USH2A: variants seen among roughly 807,000 people sequenced by gnomAD.
USH2A encodes usherin, also known as Usher syndrome 2A (autosomal recessive, mild).
Under a neutral mutation model 538.9 loss-of-function variants are expected in USH2A, and 443 were observed. That is an observed-to-expected ratio of 0.82 (90% CI 0.76 to 0.89). The LOEUF (loss-of-function observed/expected upper bound fraction) is 0.89, where lower values mean the gene tolerates loss of function less well. Among genes scored for constraint, USH2A ranks in the 40% least tolerant of loss-of-function variants. USH2A has a pLI of 0.00. For synonymous variants in USH2A, 2,413 were observed against 2,273.5 expected (o/e 1.06, Z -1.75); for missense variants, 6,633 against 6,324.8 (o/e 1.05, Z -1.65).
intron 12 of USH2A, among the ~76,000 whole-genome samples, chr1:216,249,038 A>G (rs2036106617): frequency 6.6e-6 from 1 of 152,094 alleles, no homozygotes; most frequent in Non-Finnish European, 1.5e-5. Context: ...TGCTTTCTGA[A>G]GCGTATACAA....
At chr1:215,728,540 T>A (rs562294860) in intron 60 of USH2A, among the ~76,000 whole-genome samples, 156 bp from the exon 61 acceptor site, 1 of 151,128 alleles carries the variant, frequency 6.6e-6, no homozygotes, top group Non-Finnish European at 1.5e-5. Context: ...GATGGAGAAG[T>A]ACTCCAGTGG....
intron 40 of USH2A, 101 bp downstream of exon 40, chr1:215,899,974 G>C: frequency 6.5e-7 from 1 of 1,548,052 alleles, no homozygotes; most frequent in Non-Finnish European, 8.9e-7. Context: ...TAAACAACAA[G>C]TAAATAAGGG....
chr1:215,778,055 C>CT (rs72004094), intron 55 of USH2A, among the ~76,000 whole-genome samples: 46,445 of 144,366 alleles, frequency 0.32, 8,492 homozygotes, highest in African/African-American at 0.5. Context: ...ACCCCATTAT[C>CT]TTTTTTTTTT....
At chr1:216,250,400 T>C (rs908056120) in intron 12 of USH2A, among the ~76,000 whole-genome samples, 1 of 152,158 alleles carries the variant, frequency 6.6e-6, no homozygotes, top group African/African-American at 2.4e-5. Context: ...AGAATTATGT[T>C]GACTTATTTT....
intron 19 of USH2A, chr1:216,195,940 A>C (rs1033005319): frequency 1.2e-5 from 2 of 168,920 alleles, no homozygotes; most frequent in African/African-American, 4.8e-5. Flanking sequence ...GTATCAGATG[A>C]ATTAGTTCAC....
chr1:216,321,480 T>C (rs980274694), intron 9 of USH2A, among the ~76,000 whole-genome samples: 8 of 152,194 alleles, frequency 5.3e-5, no homozygotes, highest in African/African-American at 1.9e-4. Context: ...AACATTGTTC[T>C]TCATCTAACG....
At chr1:216,229,965 A>T (rs78420981) in intron 14 of USH2A, among the ~76,000 whole-genome samples, 1,887 of 152,272 alleles carry the variant, frequency 0.012, 26 homozygotes, top group Middle Eastern at 0.092. Context: ...AAAGAAAAAA[A>T]GTTAAGTGAA....
Position 216,070,222 on chromosome 1 carries a change from A to G in USH2A, c.5928T>C (p.Asp1976=). ...LNGYSIEVTW[D]EPVVRGVIEK... ...CAATTACACCTCTGACAACAGGTTC[A>G]TCCCAGGTCACCTCAATGCTGTATC... The change falls in exon 30 of 72, where the codon GAT becomes GAC. Residue 1976 remains aspartate (D), a synonymous_variant. Coordinates refer to ENST00000307340, the MANE Select transcript of USH2A (RefSeq NM_206933.4). 1 of 1,614,036 alleles carries G rather than the reference A, an allele frequency of 6.2e-7. No individual in the cohort carries two copies. Among genetic ancestry groups the G allele is most frequent in the Non-Finnish European group, 8.5e-7 (1 of 1,179,948 alleles).
chr1:215,836,081 G>A lies in USH2A; in HGVS notation c.9371+1910C>T, dbSNP rs954378191. Among the ~76,000 whole-genome samples, 9 of 152,038 alleles carry A rather than the reference G, an allele frequency of 5.9e-5. No individual in the cohort carries two copies. In the East Asian group the frequency reaches 1.4e-3, roughly 23 times the overall value. On this transcript the variant is annotated intron_variant, in intron 47 of 71. Transcript: ENST00000307340. Reference sequence around the variant, plus strand: ...GTTCCATTTCTTATAAAGCTTAGACGTTATTTTTAGTTATAAATAAATATG... The same window carrying A: ...GTTCCATTTCTTATAAAGCTTAGACATTATTTTTAGTTATAAATAAATATG...
intron 67 of USH2A, among the ~76,000 whole-genome samples, chr1:215,644,287 A>G (rs1191461571): frequency 6.6e-6 from 1 of 152,172 alleles, no homozygotes; most frequent in Non-Finnish European, 1.5e-5. Flanking sequence ...GGCCTGTCCA[A>G]TGTAAGCTGG....
chr1:215,888,472 C>A lies in USH2A; in HGVS notation c.8177G>T (p.Gly2726Val). 6.2e-7 allele frequency: 1 copy of A among 1,613,866 alleles called. No homozygotes were observed. Among genetic ancestry groups the A allele is most frequent in the Admixed American group, 1.7e-5 (1 of 60,032 alleles). The change falls in exon 41 of 72, where the codon GGG becomes GTG. Residue 2726 changes from glycine to valine, a missense_variant. Physicochemically the swap from Gly to Val is moderately radical, Grantham distance 109 (BLOSUM62 -3). Transcript: ENST00000307340. ...CACTGTCACCACAGGTGGCTGCACC[C>A]CAGCAGGTCGTGAGGGTCTTGTGGT... is the stretch of plus-strand genomic sequence containing the variant. ...EVTTRPSRPA[G>V]VQPPVVTVLE...
At chr1:216,217,023 G>T (rs921134219) in intron 15 of USH2A, among the ~76,000 whole-genome samples, 1 of 151,944 alleles carries the variant, frequency 6.6e-6, no homozygotes, top group Non-Finnish European at 1.5e-5. Context: ...AAATGTCTTT[G>T]TGTCGGTGAC....
intron 34 of USH2A, among the ~76,000 whole-genome samples, chr1:215,996,682 G>A (rs10864218): frequency 1.5e-5 from 2 of 132,322 alleles, no homozygotes; most frequent in South Asian, 5.1e-4. Flanking sequence ...AAAAGTCTTA[G>A]AACCTTTATG....
intron 37 of USH2A, among the ~76,000 whole-genome samples, chr1:215,963,854 T>C (rs2102452607): frequency 6.6e-6 from 1 of 152,216 alleles, no homozygotes; most frequent in South Asian, 2.1e-4. Flanking sequence ...TACCTTAATC[T>C]GTGACTGCCA....
intron 3 of USH2A, among the ~76,000 whole-genome samples, chr1:216,391,649 G>A (rs551768473): frequency 5.9e-5 from 9 of 152,124 alleles, no homozygotes. Flanking sequence ...AAAATCCAGA[G>A]GGTCAATTTT....
At chr1:215,788,053 GTATCTATCTATCTA>G (rs964532132) in intron 51 of USH2A, among the ~76,000 whole-genome samples, 2 of 152,022 alleles carry the variant, frequency 1.3e-5, no homozygotes, top group African/African-American at 2.4e-5. Context: ...GTATGTGTGT[GTATCTATCTATCTA>G]TATCTATCTA....
chr1:215,750,203 T>C (rs540798570), intron 58 of USH2A, among the ~76,000 whole-genome samples: 2 of 152,340 alleles, frequency 1.3e-5, no homozygotes, highest in South Asian at 2.1e-4. Context: ...ACTGTATAGG[T>C]AGGGAAACCT....
At chr1:216,162,916 G>T (rs543090400) in intron 21 of USH2A, among the ~76,000 whole-genome samples, 1 of 152,092 alleles carries the variant, frequency 6.6e-6, no homozygotes, top group South Asian at 2.1e-4. Context: ...TTGTTACACA[G>T]AATTTTTGAA....
chr1:215,929,418 C>A (rs1435013549), intron 38 of USH2A, among the ~76,000 whole-genome samples: 4 of 152,006 alleles, frequency 2.6e-5, no homozygotes, highest in Non-Finnish European at 5.9e-5. Context: ...ATATGCATCA[C>A]AACCACCCCT....
Sources: allele counts gnomAD v4.1 joint callset (sites outside exome capture counted in the v4.1 genomes callset), GRCh38; gene constraint gnomAD v4.1.1; transcripts MANE v1.5; gene names NCBI Gene and HGNC (gene_info 2026-07-23, HGNC 2026-07-21).